Variants in ANKS1B observed in about 807,000 individuals in gnomAD.
ANKS1B encodes the protein ankyrin repeat and sterile alpha motif domain-containing protein 1B.
In ANKS1B, 36 loss-of-function variants were observed where a neutral mutation model predicts 148.3. That is an observed-to-expected ratio of 0.24 (90% CI 0.19 to 0.32). ANKS1B has a LOEUF of 0.32. Among genes scored for constraint, ANKS1B ranks in the 10% least tolerant of loss-of-function variants. The probability of loss-of-function intolerance (pLI) is 1.00; values close to 1 mark genes in which losing one functional copy is unlikely to be tolerated. For synonymous variants in ANKS1B, 542 were observed against 560.8 expected, an observed-to-expected ratio of 0.97 and a Z score of 0.47; for missense variants, 1,157 against 1,542.6, an observed-to-expected ratio of 0.75 and a Z score of 4.19.
intron 8 of ANKS1B, among the ~76,000 whole-genome samples, chr12:99,703,505 A>C (rs934591031): frequency 6.6e-6 from 1 of 152,124 alleles, no homozygotes; most frequent in South Asian, 2.1e-4. Flanking sequence ...TCCCTGAAAC[A>C]TATTATCCTG....
chr12:99,825,998 T>C (rs1303972189), intron 1 of ANKS1B, among the ~76,000 whole-genome samples: 1 of 147,778 alleles, frequency 6.8e-6, no homozygotes, highest in Admixed American at 6.8e-5. Context: ...GGAGATAACA[T>C]GTAACTATAT....
At chr12:99,319,120 G>T (rs2084735377) in intron 12 of ANKS1B, among the ~76,000 whole-genome samples, 1 of 152,174 alleles carries the variant, frequency 6.6e-6, no homozygotes, top group Non-Finnish European at 1.5e-5. Flanking sequence ...GAATAAGTGT[G>T]ATGTGGTGCT....
chr12:98,862,716 T>C (rs1420436256), intron 17 of ANKS1B, among the ~76,000 whole-genome samples: 1 of 152,126 alleles, frequency 6.6e-6, no homozygotes, highest in African/African-American at 2.4e-5. Flanking sequence ...CCCAATAATA[T>C]AGGTTCTTAC....
intron 15 of ANKS1B, among the ~76,000 whole-genome samples, chr12:99,107,813 A>G (rs760847478): frequency 1.2e-4 from 18 of 152,222 alleles, no homozygotes; most frequent in Non-Finnish European, 1.8e-4. Flanking sequence ...TCCCAGAAAG[A>G]CACAGGGAGG....
chr12:99,326,711 AT>A (rs574033659), intron 12 of ANKS1B, among the ~76,000 whole-genome samples: 28 of 149,276 alleles, frequency 1.9e-4, no homozygotes, highest in Middle Eastern at 3.5e-3. Context: ...TTATATTTTA[AT>A]TTTTTTTTTA....
intron 25 of ANKS1B, among the ~76,000 whole-genome samples, chr12:98,766,735 TA>T (rs2098485382): frequency 6.6e-6 from 1 of 152,208 alleles, no homozygotes; most frequent in African/African-American, 2.4e-5. Context: ...ACATAAGCCA[TA>T]AATATTTTTC....
intron 10 of ANKS1B, among the ~76,000 whole-genome samples, chr12:99,482,267 A>G (rs1326128954): frequency 2.0e-5 from 3 of 152,000 alleles, no homozygotes; most frequent in Non-Finnish European, 4.4e-5. Flanking sequence ...TTTTCCCAGC[A>G]CCATTTATTA....
chr12:99,921,217 G>T (rs1342997652), intron 1 of ANKS1B, among the ~76,000 whole-genome samples: 1 of 152,068 alleles, frequency 6.6e-6, no homozygotes, highest in East Asian at 1.9e-4. Flanking sequence ...CATGGGGGTG[G>T]TTTCCCCCAT....
At chr12:99,954,117 T>C (rs756294415) in intron 1 of ANKS1B, among the ~76,000 whole-genome samples, 11 of 152,210 alleles carry the variant, frequency 7.2e-5, no homozygotes, top group South Asian at 2.1e-4. Context: ...GCTATAATAA[T>C]GAGAGATGCT....
At chr12:99,103,139 G>A (rs1251668881) in intron 15 of ANKS1B, among the ~76,000 whole-genome samples, 1 of 152,068 alleles carries the variant, frequency 6.6e-6, no homozygotes, top group African/African-American at 2.4e-5. Flanking sequence ...AGCAAGGATG[G>A]GTGAGGTGTA....
chr12:99,573,929 T>C (rs2097489408), intron 9 of ANKS1B, among the ~76,000 whole-genome samples: 1 of 152,096 alleles, frequency 6.6e-6, no homozygotes, highest in African/African-American at 2.4e-5. Flanking sequence ...TTCTCTTTTT[T>C]ATCATTTTTT....
intron 1 of ANKS1B, among the ~76,000 whole-genome samples, chr12:99,838,309 A>G (rs937347767): frequency 1.3e-5 from 2 of 152,202 alleles, no homozygotes; most frequent in Non-Finnish European, 2.9e-5. Flanking sequence ...TTCCTGGATT[A>G]AATGGTAATT....
chr12:99,566,155 G>A (rs1012221593), intron 9 of ANKS1B, among the ~76,000 whole-genome samples: 2 of 152,102 alleles, frequency 1.3e-5, no homozygotes, highest in African/African-American at 4.8e-5. Flanking sequence ...CATCTGGAGA[G>A]GCTGCGAATT....
intron 23 of ANKS1B, 100 bp from the exon 24 acceptor site, chr12:98,781,303 A>AAAC (rs1045816907): frequency 2.4e-5 from 17 of 697,392 alleles, no homozygotes; most frequent in African/African-American, 7.5e-5. Flanking sequence ...CTCAAATTAA[A>AAAC]AACAACAACA....
chr12:99,407,390 T>A (rs1170605346), intron 11 of ANKS1B, among the ~76,000 whole-genome samples: 1 of 145,892 alleles, frequency 6.9e-6, no homozygotes, highest in African/African-American at 2.6e-5. Context: ...AAAAGCCATG[T>A]ACAACAGACC....
At chr12:99,603,561 T>A (rs1404050626) in intron 9 of ANKS1B, among the ~76,000 whole-genome samples, 1 of 152,082 alleles carries the variant, frequency 6.6e-6, no homozygotes, top group African/African-American at 2.4e-5. Flanking sequence ...TGTTTCCAAT[T>A]GTGTCATGTT....
At chr12:98,850,334 A>G (rs2099515841) in intron 17 of ANKS1B, among the ~76,000 whole-genome samples, 1 of 152,178 alleles carries the variant, frequency 6.6e-6, no homozygotes, top group Non-Finnish European at 1.5e-5. Flanking sequence ...AAGTGCCTTT[A>G]GCAGATACTG....
intron 19 of ANKS1B, among the ~76,000 whole-genome samples, chr12:98,826,412 T>C (rs951743598): frequency 6.6e-6 from 1 of 152,208 alleles, no homozygotes; most frequent in African/African-American, 2.4e-5. Flanking sequence ...AATTTAACTT[T>C]AAGCATTGCT....
chr12:98,736,931 T>C (rs949914178), intron 9 of ANKS1B, among the ~76,000 whole-genome samples: 1 of 152,154 alleles, frequency 6.6e-6, no homozygotes, highest in African/African-American at 2.4e-5. Flanking sequence ...AGTAAATACA[T>C]TTGAGTTGTT....
Sources: gnomAD v4.1 joint callset for allele counts (sites outside exome capture counted in the v4.1 genomes callset) on GRCh38, gnomAD v4.1.1 for gene constraint, MANE v1.5 for transcripts, NCBI Gene and HGNC (gene_info 2026-07-23, HGNC 2026-07-21) for gene names.